Variants in KCTD16 observed in about 807,000 individuals in gnomAD.
KCTD16 encodes the protein BTB/POZ domain-containing protein KCTD16.
Under a neutral mutation model 33.2 loss-of-function variants are expected in KCTD16, and 13 were observed. The observed-to-expected ratio is 0.39, with a 90% CI of 0.25 to 0.62. KCTD16 has a LOEUF of 0.62. KCTD16 is among the 20% of genes least tolerant of loss of function. KCTD16 has a pLI of 0.50. For missense variants in KCTD16, 441 were observed against 525.1 expected, an observed-to-expected ratio of 0.84 and a Z score of 1.57; for synonymous variants, 197 against 195.3, an observed-to-expected ratio of 1.01 and a Z score of -0.07.
intron 3 of KCTD16, among the ~76,000 whole-genome samples, chr5:144,310,593 GAT>G (rs1355844338): frequency 6.7e-6 from 1 of 149,362 alleles, no homozygotes; most frequent in African/African-American, 2.5e-5. Context: ...TATTTTTTTT[GAT>G]ATATATATAT....
chr5:144,183,928 C>T (rs924328990), intron 2 of KCTD16, among the ~76,000 whole-genome samples: 5 of 152,258 alleles, frequency 3.3e-5, no homozygotes, highest in East Asian at 1.9e-4. Context: ...TACTTTACTT[C>T]GTGACAATTT....
At chr5:144,357,101 A>G (rs770776901) in intron 3 of KCTD16, among the ~76,000 whole-genome samples, 37 of 93,562 alleles carry the variant, frequency 4.0e-4, no homozygotes, top group Non-Finnish European at 8.6e-4. Flanking sequence ...GAGATGAGTT[A>G]CTCTTATAGG....
At chr5:144,428,479 C>T (rs1753385083) in intron 3 of KCTD16, among the ~76,000 whole-genome samples, 1 of 152,162 alleles carries the variant, frequency 6.6e-6, no homozygotes, top group Non-Finnish European at 1.5e-5. Flanking sequence ...CTTGCTTCCT[C>T]ATCCATCACA....
intron 3 of KCTD16, among the ~76,000 whole-genome samples, chr5:144,236,444 G>A (rs1754256540): frequency 6.6e-6 from 1 of 152,040 alleles, no homozygotes; most frequent in Non-Finnish European, 1.5e-5. Flanking sequence ...GAACTGGTGG[G>A]TAATCTGTTA....
In KCTD16 at chr5:144,286,039, A is replaced by G. The variant is rs113335258; in HGVS notation, c.832+78493A>G. ...GATATTTTTGGCAGGAAAGTTTTTTATTTTGTTTTCAATCATCACCAATTG... is the reference window on the plus strand; with the variant it reads ...GATATTTTTGGCAGGAAAGTTTTTTGTTTTGTTTTCAATCATCACCAATTG... On this transcript the variant is annotated intron_variant, in intron 3 of 3. Transcript: ENST00000512467. Among the ~76,000 whole-genome samples, 750 of 106,338 alleles carry G rather than the reference A, an allele frequency of 7.1e-3. 7 individuals are homozygous for G. Among genetic ancestry groups the G allele is most frequent in the African/African-American group, 0.024 (657 of 26,964 alleles). The allele number at this position is 106,338 out of a possible 152,430, so 69.8% of individuals were successfully genotyped here.
intron 3 of KCTD16, among the ~76,000 whole-genome samples, chr5:144,455,057 G>A (rs1019207097): frequency 2.0e-5 from 3 of 151,986 alleles, no homozygotes; most frequent in Middle Eastern, 3.4e-3. Flanking sequence ...ACAAGCTTTG[G>A]TGCTTGAGAA....
At chr5:144,190,510 G>C (rs1344079297) in intron 2 of KCTD16, among the ~76,000 whole-genome samples, 3 of 152,298 alleles carry the variant, frequency 2.0e-5, no homozygotes, top group Admixed American at 6.5e-5. Flanking sequence ...TCATGTAGTA[G>C]TGATTCAGTA....
At chr5:144,300,873 A>C (rs887611129) in intron 3 of KCTD16, among the ~76,000 whole-genome samples, 2 of 152,186 alleles carry the variant, frequency 1.3e-5, no homozygotes, top group Non-Finnish European at 2.9e-5. Context: ...AACCATGCTC[A>C]AGAAATGGCA....
rs147445268 is a variant in KCTD16, at chr5:144,355,908, A to G, written c.833-117752A>G. Among the ~76,000 whole-genome samples the G allele has an allele frequency of 1.8e-3, 274 of 152,304 alleles. 2 individuals are homozygous for G. Among genetic ancestry groups the G allele is most frequent in the Admixed American group, 0.016 (251 of 15,288 alleles). ...TATTCTTGTAAATCAGCTAAAGTCT[A>G]GTTAGGTCAACCCATTTGGGAGAAA... On this transcript the variant is annotated intron_variant, in intron 3 of 3. Coordinates refer to ENST00000512467, the MANE Select transcript of KCTD16 (RefSeq NM_020768.4).
At chr5:144,340,770 C>T (rs1420413896) in intron 3 of KCTD16, among the ~76,000 whole-genome samples, 1 of 152,090 alleles carries the variant, frequency 6.6e-6, no homozygotes, top group Non-Finnish European at 1.5e-5. Context: ...TGAATCTGCA[C>T]CAGGTGCGGT....
chr5:144,443,402 T>C (rs953013146), intron 3 of KCTD16, among the ~76,000 whole-genome samples: 2 of 152,136 alleles, frequency 1.3e-5, no homozygotes, highest in African/African-American at 4.8e-5. Context: ...TTTCACCAGA[T>C]ACATTATTTT....
intron 3 of KCTD16, among the ~76,000 whole-genome samples, chr5:144,382,046 A>ATACG (rs1468583101): frequency 6.6e-6 from 1 of 151,994 alleles, no homozygotes; most frequent in Non-Finnish European, 1.5e-5. Context: ...ACATACATAC[A>ATACG]TATGATGGAA....
intron 2 of KCTD16, among the ~76,000 whole-genome samples, chr5:144,175,376 A>G (rs1370941169): frequency 2.0e-5 from 3 of 152,236 alleles, no homozygotes; most frequent in African/African-American, 4.8e-5. Flanking sequence ...ATGTGAATGA[A>G]GAAAAGTCAA....
chr5:144,405,023 A>G (rs1004625691), intron 3 of KCTD16, among the ~76,000 whole-genome samples: 4 of 152,200 alleles, frequency 2.6e-5, no homozygotes, highest in Non-Finnish European at 4.4e-5. Flanking sequence ...TTTAGTTAAC[A>G]CTTATTGAGT....
At chr5:144,175,661 CTACT>C (rs2126770019) in intron 2 of KCTD16, among the ~76,000 whole-genome samples, 1 of 152,292 alleles carries the variant, frequency 6.6e-6, no homozygotes, top group African/African-American at 2.4e-5. Flanking sequence ...ACATTCTGTA[CTACT>C]TACTTGCCAT....
chr5:144,178,568 C>T (rs899058248), intron 2 of KCTD16, among the ~76,000 whole-genome samples: 1 of 152,050 alleles, frequency 6.6e-6, no homozygotes. Flanking sequence ...TTTTATTATT[C>T]TTCTGCAGTC....
At chr5:144,235,106 T>A (rs572057701) in intron 3 of KCTD16, among the ~76,000 whole-genome samples, 78 of 152,250 alleles carry the variant, frequency 5.1e-4, no homozygotes, top group African/African-American at 1.8e-3. Context: ...ACACACGCAG[T>A]TGATGGAATA....
intron 3 of KCTD16, among the ~76,000 whole-genome samples, chr5:144,241,917 A>G (rs1754414776): frequency 1.3e-5 from 2 of 152,138 alleles, no homozygotes; most frequent in South Asian, 2.1e-4. Flanking sequence ...TGCCACATCT[A>G]TGATACAAAA....
chr5:144,248,674 A>T (rs1754615535), intron 3 of KCTD16, among the ~76,000 whole-genome samples: 2 of 152,270 alleles, frequency 1.3e-5, no homozygotes, highest in South Asian at 4.2e-4. Context: ...TGAAGCCATG[A>T]TAATAGGAAT....
Sources: allele counts gnomAD v4.1 joint callset (sites outside exome capture counted in the v4.1 genomes callset), GRCh38; gene constraint gnomAD v4.1.1; transcripts MANE v1.5; gene names NCBI Gene and HGNC (gene_info 2026-07-23, HGNC 2026-07-21).